MAP2K5: variants seen among roughly 807,000 people sequenced by gnomAD.
The protein encoded by MAP2K5 is dual specificity mitogen-activated protein kinase kinase 5.
Under a neutral mutation model 83.1 loss-of-function variants are expected in MAP2K5, and 49 were observed. The observed-to-expected ratio is 0.59, with a 90% CI of 0.47 to 0.75. The LOEUF (loss-of-function observed/expected upper bound fraction) is 0.75. Among genes scored for constraint, MAP2K5 ranks in the 30% least tolerant of loss-of-function variants. The probability of loss-of-function intolerance (pLI) is 0.00; values close to 1 mark genes in which losing one functional copy is unlikely to be tolerated. For synonymous variants in MAP2K5, 202 were observed against 191.8 expected (o/e 1.05, Z -0.44); for missense variants, 457 against 557.5 (o/e 0.82, Z 1.82).
intron 19 of MAP2K5, among the ~76,000 whole-genome samples, chr15:67,761,166 A>G (rs1265268429): frequency 6.6e-6 from 1 of 151,348 alleles, no homozygotes; most frequent in Non-Finnish European, 1.5e-5. Context: ...AGCAGATGGC[A>G]TTATGATTTT....
At position 67,597,115 on chromosome 15, in the gene MAP2K5, G is replaced by C. The variant is rs570071106; in HGVS notation, c.481-3570G>C. Among the ~76,000 whole-genome samples the C allele has an allele frequency of 1.5e-4, 22 of 151,012 alleles. No individual in the cohort carries two copies. The East Asian group carries it at 2.6e-3, about 18-fold the overall frequency. Reference sequence around the variant, plus strand: ...ACCCGGGAGGCGGAGCTTGCAGTGAGCCGAGATCACGTCACTGCACTCCAG... The same window carrying C: ...ACCCGGGAGGCGGAGCTTGCAGTGACCCGAGATCACGTCACTGCACTCCAG... On this transcript the variant is annotated intron_variant, in intron 7 of 21. Coordinates refer to ENST00000178640, the MANE Select transcript of MAP2K5 (RefSeq NM_145160.3).
chr15:67,656,763 T>A lies in MAP2K5; in HGVS notation c.737-1790T>A, dbSNP rs80108391. ...TTTCCCACCTGTCAAGTAAAGTTGCTGGACTGATCTTTAATGTCCTTTCCT... is the reference window on the plus strand; with the variant it reads ...TTTCCCACCTGTCAAGTAAAGTTGCAGGACTGATCTTTAATGTCCTTTCCT... On this transcript the variant is annotated intron_variant, in intron 11 of 21. Coordinates refer to ENST00000178640, the MANE Select transcript of MAP2K5 (RefSeq NM_145160.3). Among the ~76,000 whole-genome samples the A allele has an allele frequency of 7.1e-3, 1,075 of 152,326 alleles. 13 individuals carry two copies. Among genetic ancestry groups the A allele is most frequent in the African/African-American group, 0.025 (1,032 of 41,568 alleles).
At position 67,552,035 on chromosome 15, in the gene MAP2K5, T is replaced by TA. The variant is rs1235266476; in HGVS notation, c.184+1954dup. On this transcript the variant is annotated intron_variant, in intron 2 of 21. Coordinates refer to ENST00000178640, the MANE Select transcript of MAP2K5 (RefSeq NM_145160.3). The surrounding 1 kb of genome is among the most constrained non-coding windows in gnomAD (Gnocchi z 4.2). The stretch of plus-strand genomic sequence containing the variant: ...CCTACTACAGTACTTTCCAGTGACT[T>TA]ACCCTGTAAAGTGGACTTGGGGCCT... Among the ~76,000 whole-genome samples the TA allele has an allele frequency of 1.3e-5, 2 of 151,488 alleles. No individual in the cohort carries two copies. Among genetic ancestry groups the TA allele is most frequent in the South Asian group, 2.1e-4 (1 of 4,806 alleles).
chr15:67,728,053 G>C, intron 17 of MAP2K5, 108 bp downstream of exon 17: 1 of 955,264 alleles, frequency 1.0e-6, no homozygotes, highest in Non-Finnish European at 1.7e-6. Flanking sequence ...AATCTGTCCT[G>C]TTAAATTGAA....
intron 6 of MAP2K5, among the ~76,000 whole-genome samples, chr15:67,591,750 TTCACGGGTATAAC>T (rs1373203481): frequency 6.6e-6 from 1 of 152,196 alleles, no homozygotes; most frequent in African/African-American, 2.4e-5. Flanking sequence ...CAGGTAGATA[TTCACGGGTATAAC>T]TCATTATAAA....
At chr15:67,715,463 A>G (rs2088808143) in intron 16 of MAP2K5, among the ~76,000 whole-genome samples, 2 of 152,198 alleles carry the variant, frequency 1.3e-5, no homozygotes. Flanking sequence ...AGCATTGTTG[A>G]GTTTGCTTTG....
At chr15:67,590,865 A>G (rs577022557) in intron 6 of MAP2K5, among the ~76,000 whole-genome samples, 1 of 152,284 alleles carries the variant, frequency 6.6e-6, no homozygotes, top group Non-Finnish European at 1.5e-5. Flanking sequence ...AACCCTTAGC[A>G]TATGCCAAGT....
At chr15:67,616,726 ACTTT>A (rs961707914) in intron 8 of MAP2K5, among the ~76,000 whole-genome samples, 1 of 152,116 alleles carries the variant, frequency 6.6e-6, no homozygotes, top group Admixed American at 6.6e-5. Flanking sequence ...AATAACCATC[ACTTT>A]CTTTCTTGCT....
chr15:67,590,430 T>C (rs28672247), intron 6 of MAP2K5, among the ~76,000 whole-genome samples: 2,174 of 73,598 alleles, frequency 0.03, 121 homozygotes, highest in African/African-American at 0.051. Context: ...TCCCTCCCTC[T>C]CTCTCTCCCT....
chr15:67,700,535 G>A (rs2088388994), intron 15 of MAP2K5, among the ~76,000 whole-genome samples: 1 of 152,086 alleles, frequency 6.6e-6, no homozygotes, highest in Non-Finnish European at 1.5e-5. Context: ...GTTTTGTTTT[G>A]TTTTGTTTTT....
At chr15:67,796,065 T>G (rs992075789) in intron 21 of MAP2K5, among the ~76,000 whole-genome samples, 12 of 152,236 alleles carry the variant, frequency 7.9e-5, no homozygotes, top group Non-Finnish European at 1.5e-4. Flanking sequence ...TTGATTATCC[T>G]TTACTTCTGT....
At position 67,574,063 on chromosome 15, in the gene MAP2K5, C is replaced by T. The variant is rs902644491; in HGVS notation, c.253-6691C>T. On this transcript the variant is annotated intron_variant, in intron 3 of 21. Coordinates refer to ENST00000178640, the MANE Select transcript of MAP2K5 (RefSeq NM_145160.3). ...GCTTTCACTTTACTCTGTAGAATTACCCCAAATTCTTTCTGGCACGACATC... is the reference window on the plus strand; with the variant it reads ...GCTTTCACTTTACTCTGTAGAATTATCCCAAATTCTTTCTGGCACGACATC... 1.4e-4 allele frequency among the ~76,000 whole-genome samples: 21 copies of T among 152,286 alleles called. No individual in the cohort carries two copies. The East Asian group carries it at 3.7e-3, about 27-fold the overall frequency.
intron 19 of MAP2K5, among the ~76,000 whole-genome samples, chr15:67,752,782 A>G (rs62015184): frequency 0.082 from 12,478 of 152,168 alleles, 701 homozygotes; most frequent in Admixed American, 0.1. Flanking sequence ...AAATTGATCT[A>G]CAGATTCAAT....
chr15:67,742,180 T>C (rs375632608), intron 17 of MAP2K5, among the ~76,000 whole-genome samples: 17 of 152,326 alleles, frequency 1.1e-4, no homozygotes, highest in East Asian at 7.7e-4. Flanking sequence ...CGTGAGCCAC[T>C]GCGCCCGGCC....
At chr15:67,550,390 G>T (rs2084484080) in intron 2 of MAP2K5, among the ~76,000 whole-genome samples, 2 of 152,180 alleles carry the variant, frequency 1.3e-5, no homozygotes, top group Non-Finnish European at 2.9e-5. Context: ...TAAACTACCT[G>T]TAGGCCAGTG....
At chr15:67,706,618 G>C (rs755881969) in intron 16 of MAP2K5, among the ~76,000 whole-genome samples, 1 of 152,066 alleles carries the variant, frequency 6.6e-6, no homozygotes, top group Non-Finnish European at 1.5e-5. Flanking sequence ...CATCAGAGAG[G>C]GTTGTTGAGC....
intron 21 of MAP2K5, among the ~76,000 whole-genome samples, chr15:67,788,170 G>C (rs1446140665): frequency 1.3e-5 from 2 of 152,206 alleles, no homozygotes; most frequent in East Asian, 3.8e-4. Context: ...GAACTACTTT[G>C]CTTTATATAT....
At chr15:67,632,337 C>T (rs966021114) in intron 9 of MAP2K5, among the ~76,000 whole-genome samples, 2 of 152,088 alleles carry the variant, frequency 1.3e-5, no homozygotes, top group African/African-American at 4.8e-5. Context: ...TGGGCTTAAG[C>T]GATCCTCCTG....
intron 9 of MAP2K5, chr15:67,641,603 CA>C: frequency 1.0e-6 from 1 of 995,066 alleles, no homozygotes; most frequent in East Asian, 1.1e-4. Context: ...TTTAACTTGA[CA>C]ACTCATCCTT....
Sources: gnomAD v4.1 joint callset for allele counts (sites outside exome capture counted in the v4.1 genomes callset) on GRCh38, gnomAD v4.1.1 for gene constraint, Gnocchi (gnomAD v3.1) non-coding constraint, MANE v1.5 for transcripts, NCBI Gene and HGNC (gene_info 2026-07-23, HGNC 2026-07-21) for gene names.